The following PDE1C variants were observed in gnomAD, a reference collection of about 807,000 sequenced individuals.
PDE1C encodes dual specificity calcium/calmodulin-dependent 3',5'-cyclic nucleotide phosphodiesterase 1C.
PDE1C carries 62 observed loss-of-function variants against 93.1 expected under a neutral mutation model. That is an observed-to-expected ratio of 0.67 (90% CI 0.54 to 0.82). PDE1C has a LOEUF of 0.82. Among genes scored for constraint, PDE1C ranks in the 40% least tolerant of loss-of-function variants. The pLI is 0.00. For synonymous variants in PDE1C, 325 were observed against 310.1 expected (o/e 1.05, Z -0.50); for missense variants, 742 against 884.6 (o/e 0.84, Z 2.04).
intron 2 of PDE1C, among the ~76,000 whole-genome samples, chr7:32,018,443 G>C (rs1314741010): frequency 6.6e-6 from 1 of 152,112 alleles, no homozygotes; most frequent in Non-Finnish European, 1.5e-5. Context: ...TTGATAAATG[G>C]GTAAAGTCTG....
chr7:31,946,787 C>T (rs968456890), intron 2 of PDE1C, among the ~76,000 whole-genome samples: 4 of 152,152 alleles, frequency 2.6e-5, no homozygotes, highest in East Asian at 3.9e-4. Context: ...TTGACTCCAC[C>T]GGACTTTGTC....
intron 1 of PDE1C, among the ~76,000 whole-genome samples, chr7:32,320,263 C>T (rs1281004371): frequency 6.6e-6 from 1 of 152,072 alleles, no homozygotes; most frequent in Non-Finnish European, 1.5e-5. Flanking sequence ...TAACAAATAT[C>T]AAGGGTTTTC....
intron 3 of PDE1C, among the ~76,000 whole-genome samples, chr7:32,079,690 T>A (rs977846131): frequency 4.6e-5 from 7 of 152,228 alleles, no homozygotes; most frequent in African/African-American, 1.7e-4. Context: ...GGTCTCAGCA[T>A]GTAGCTAAAT....
chr7:32,366,279 G>A (rs1784227417), intron 1 of PDE1C, among the ~76,000 whole-genome samples: 1 of 152,112 alleles, frequency 6.6e-6, no homozygotes, highest in South Asian at 2.1e-4. Flanking sequence ...AGAATTCAAT[G>A]ACTAAATAAA....
intron 4 of PDE1C, among the ~76,000 whole-genome samples, chr7:31,878,463 A>T (rs1348243833): frequency 6.6e-6 from 1 of 152,202 alleles, no homozygotes; most frequent in African/African-American, 2.4e-5. Flanking sequence ...GGTAATCTTT[A>T]AACTTACCGT....
At chr7:32,126,304 A>C (rs2128767870) in intron 3 of PDE1C, among the ~76,000 whole-genome samples, 1 of 152,286 alleles carries the variant, frequency 6.6e-6, no homozygotes, top group South Asian at 2.1e-4. Flanking sequence ...TCCTTTATAT[A>C]AATGGGAAAC....
chr7:31,949,435 G>C (rs1373306989), intron 2 of PDE1C, among the ~76,000 whole-genome samples: 1 of 152,032 alleles, frequency 6.6e-6, no homozygotes, highest in African/African-American at 2.4e-5. Context: ...ACTCCAGTTT[G>C]GGCAACAAGA....
chr7:31,937,310 G>T (rs1805223912), intron 2 of PDE1C, among the ~76,000 whole-genome samples: 1 of 152,152 alleles, frequency 6.6e-6, no homozygotes, highest in African/African-American at 2.4e-5. Context: ...ATATATTGTG[G>T]GGTAAAATAC....
At chr7:32,387,751 C>T (rs1476919241) in intron 1 of PDE1C, among the ~76,000 whole-genome samples, 3 of 139,374 alleles carry the variant, frequency 2.2e-5, no homozygotes, top group Admixed American at 6.9e-5. Context: ...CCAGTAGGGG[C>T]GGCCGGGCAG....
chr7:31,804,612 C>T (rs1036564520), intron 16 of PDE1C, among the ~76,000 whole-genome samples: 1 of 151,748 alleles, frequency 6.6e-6, no homozygotes, highest in Non-Finnish European at 1.5e-5. Flanking sequence ...ATCTTAGCAG[C>T]CTCAGTATAA....
chr7:32,095,139 T>A (rs991165491), intron 3 of PDE1C, among the ~76,000 whole-genome samples: 1 of 152,216 alleles, frequency 6.6e-6, no homozygotes, highest in Non-Finnish European at 1.5e-5. Context: ...ATAGGAAATT[T>A]ATAATAAATG....
chr7:31,635,489 T>C, the PDE1C span, among the ~76,000 whole-genome samples: 1 of 152,228 alleles, frequency 6.6e-6, no homozygotes, highest in East Asian at 1.9e-4. Context: ...AATGTCTGAT[T>C]TTTTATTGCT....
chr7:31,900,936 T>TA (rs879427958), intron 2 of PDE1C, among the ~76,000 whole-genome samples: 10 of 150,912 alleles, frequency 6.6e-5, no homozygotes, highest in Non-Finnish European at 1.0e-4. Flanking sequence ...TGACAGATAC[T>TA]AAAAAAAAAT....
intron 2 of PDE1C, among the ~76,000 whole-genome samples, chr7:32,050,663 G>A (rs748936855): frequency 1.3e-5 from 2 of 151,764 alleles, no homozygotes; most frequent in South Asian, 2.1e-4. Flanking sequence ...TAAATTCCAC[G>A]AGGAAGTACA....
At chr7:31,897,767 C>T (rs1434462807) in intron 2 of PDE1C, among the ~76,000 whole-genome samples, 2 of 152,154 alleles carry the variant, frequency 1.3e-5, no homozygotes, top group Non-Finnish European at 2.9e-5. Context: ...CTGAATAAAG[C>T]ATAGAATCTC....
At chr7:32,242,152 G>T (rs941934521) in intron 1 of PDE1C, among the ~76,000 whole-genome samples, 3 of 152,136 alleles carry the variant, frequency 2.0e-5, no homozygotes, top group African/African-American at 7.2e-5. Flanking sequence ...TGGATTTGGG[G>T]TTTGCCAAGC....
At chr7:32,175,900 T>C (rs763236409) in intron 2 of PDE1C, among the ~76,000 whole-genome samples, 3 of 152,200 alleles carry the variant, frequency 2.0e-5, no homozygotes, top group African/African-American at 2.4e-5. Flanking sequence ...TGGAATGCAA[T>C]TAATTATGGC....
At chr7:32,372,506 T>A (rs1207767057) in intron 1 of PDE1C, among the ~76,000 whole-genome samples, 1 of 152,138 alleles carries the variant, frequency 6.6e-6, no homozygotes, top group African/African-American at 2.4e-5. Flanking sequence ...ATCATAGACC[T>A]AACTGTAAAA....
intron 3 of PDE1C, among the ~76,000 whole-genome samples, chr7:32,105,557 T>C (rs1798255079): frequency 6.6e-6 from 1 of 152,126 alleles, no homozygotes; most frequent in Non-Finnish European, 1.5e-5. Context: ...GAGAAGGACA[T>C]ACACTCCTCT....
Sources: allele counts gnomAD v4.1 joint callset (sites outside exome capture counted in the v4.1 genomes callset), GRCh38; gene constraint gnomAD v4.1.1; transcripts MANE v1.5; gene names NCBI Gene and HGNC (gene_info 2026-07-23, HGNC 2026-07-21).